MAGI2: variants seen among roughly 807,000 people sequenced by gnomAD.
MAGI2 encodes the protein membrane associated guanylate kinase, WW and PDZ domain containing 2, also known as membrane-associated guanylate kinase, WW and PDZ domain-containing protein 2.
Under a neutral mutation model 133.3 loss-of-function variants are expected in MAGI2, and 35 were observed. The observed-to-expected ratio is 0.26, with a 90% confidence interval of 0.20 to 0.35. The LOEUF (loss-of-function observed/expected upper bound fraction) is 0.35, where lower values mean the gene tolerates loss of function less well. Ranked by LOEUF, MAGI2 falls within the 10% of genes least tolerant of loss-of-function variation. The pLI, the probability that MAGI2 is intolerant of heterozygous loss-of-function variation, is 1.00. For synonymous variants in MAGI2, 729 were observed against 710.6 expected (o/e 1.03, Z -0.41); for missense variants, 1,636 against 1,863.4 (o/e 0.88, Z 2.25).
At chr7:78,123,945 A>T (rs1820715368) in intron 20 of MAGI2, among the ~76,000 whole-genome samples, 1 of 152,194 alleles carries the variant, frequency 6.6e-6, no homozygotes. Context: ...TCTGGCTTAA[A>T]TTCTGTAAGA....
At chr7:78,594,372 G>A (rs770981131) in intron 3 of MAGI2, among the ~76,000 whole-genome samples, 1 of 152,192 alleles carries the variant, frequency 6.6e-6, no homozygotes, top group African/African-American at 2.4e-5. Context: ...TTATACAAAG[G>A]CTGGAATGTA....
chr7:78,979,657 C>T (rs1486356172), intron 2 of MAGI2, among the ~76,000 whole-genome samples: 1 of 151,766 alleles, frequency 6.6e-6, no homozygotes, highest in Admixed American at 6.6e-5. Flanking sequence ...GTTCAATTCC[C>T]AGGTGGTCTT....
At chr7:78,817,551 G>C (rs1001204006) in intron 2 of MAGI2, among the ~76,000 whole-genome samples, 1 of 152,106 alleles carries the variant, frequency 6.6e-6, no homozygotes, top group African/African-American at 2.4e-5. Flanking sequence ...TGATCAGTTA[G>C]CAGCCATCCA....
chr7:78,700,795 A>G (rs531808578), intron 2 of MAGI2, among the ~76,000 whole-genome samples: 1 of 152,052 alleles, frequency 6.6e-6, no homozygotes, highest in South Asian at 2.1e-4. Flanking sequence ...TCTCATCGTG[A>G]CACTTTTCAA....
At chr7:79,440,258 C>T (rs1267970598) in intron 1 of MAGI2, among the ~76,000 whole-genome samples, 1 of 151,454 alleles carries the variant, frequency 6.6e-6, no homozygotes, top group Non-Finnish European at 1.5e-5. Context: ...TTTGATGAGT[C>T]AGTTTATAAT....
chr7:79,382,937 C>T (rs1015631340), intron 1 of MAGI2, among the ~76,000 whole-genome samples: 4 of 151,498 alleles, frequency 2.6e-5, no homozygotes, highest in African/African-American at 9.7e-5. Context: ...TTGTAGTTTG[C>T]TAACCATCTT....
chr7:79,320,711 T>A (rs192719987), intron 1 of MAGI2, among the ~76,000 whole-genome samples: 5 of 152,226 alleles, frequency 3.3e-5, no homozygotes, highest in Admixed American at 3.3e-4. Flanking sequence ...TATTGCTTTA[T>A]TTATTCTTTA....
At chr7:78,604,466 T>C (rs1204829486) in intron 3 of MAGI2, among the ~76,000 whole-genome samples, 1 of 152,194 alleles carries the variant, frequency 6.6e-6, no homozygotes, top group Non-Finnish European at 1.5e-5. Flanking sequence ...CTGAATCCCA[T>C]TATCTCCCGT....
At position 78,903,319 on chromosome 7, in the gene MAGI2, A is replaced by C. The variant is rs1797760182; in HGVS notation, c.418+103771T>G. 4.0e-5 allele frequency among the ~76,000 whole-genome samples: 6 copies of C among 150,082 alleles called. 1 individual carries two copies. The Admixed American group carries it at 4.0e-4, about 10-fold the overall frequency. ...CGCCATTCTCCTGCCTCAGCCTCCC[A>C]GGTAGCTGGGACTACAGGCGCCCGC... On this transcript the variant is annotated intron_variant, in intron 2 of 21. Transcript: ENST00000354212.
intron 1 of MAGI2, among the ~76,000 whole-genome samples, chr7:79,169,857 C>T (rs1303998246): frequency 6.6e-6 from 1 of 151,990 alleles, no homozygotes; most frequent in Non-Finnish European, 1.5e-5. Flanking sequence ...TAGCTTCTCT[C>T]TCTTTTTTTT....
intron 1 of MAGI2, among the ~76,000 whole-genome samples, chr7:79,041,890 A>G (rs1264833328): frequency 6.6e-6 from 1 of 152,196 alleles, no homozygotes; most frequent in African/African-American, 2.4e-5. Context: ...GGAAGTTAAC[A>G]TCATAAAACT....
At chr7:78,804,506 T>C (rs1788345992) in intron 2 of MAGI2, among the ~76,000 whole-genome samples, 1 of 150,880 alleles carries the variant, frequency 6.6e-6, no homozygotes, top group African/African-American at 2.4e-5. Context: ...CCCAGCACTT[T>C]GGGAGGCCGA....
chr7:78,806,017 T>C (rs528902225), intron 2 of MAGI2, among the ~76,000 whole-genome samples: 48 of 152,182 alleles, frequency 3.2e-4, no homozygotes, highest in Non-Finnish European at 6.3e-4. Flanking sequence ...AAAGGTTTAT[T>C]TTTGTTGTAA....
chr7:78,522,608 G>A (rs964053513), intron 3 of MAGI2, among the ~76,000 whole-genome samples: 5 of 152,128 alleles, frequency 3.3e-5, no homozygotes, highest in Non-Finnish European at 5.9e-5. Context: ...TCAAACTCCT[G>A]ACCTCAAATG....
chr7:79,217,715 C>T (rs1830128428), intron 1 of MAGI2, among the ~76,000 whole-genome samples: 1 of 151,974 alleles, frequency 6.6e-6, no homozygotes, highest in African/African-American at 2.4e-5. Flanking sequence ...AGCTATAATA[C>T]ATTGAGCAAA....
rs554823844 is a variant in MAGI2 at position 79,016,197 on chromosome 7, C to G, written c.302-8991G>C. ...TGGTGTGGGAGCATCTGGAGTGGAGCACTACTAGGGACACCCATCCCCCAG... is the reference window on the plus strand; with the variant it reads ...TGGTGTGGGAGCATCTGGAGTGGAGGACTACTAGGGACACCCATCCCCCAG... On this transcript the variant is annotated intron_variant, in intron 1 of 21. Transcript: ENST00000354212. Among the ~76,000 whole-genome samples, 142 of 152,168 alleles carry G rather than the reference C, an allele frequency of 9.3e-4. 3 individuals carry two copies. The South Asian group carries it at 0.028, about 30-fold the overall frequency.
At chr7:78,760,159 G>T (rs566071102) in intron 2 of MAGI2, among the ~76,000 whole-genome samples, 1 of 152,024 alleles carries the variant, frequency 6.6e-6, no homozygotes, top group African/African-American at 2.4e-5. Flanking sequence ...AAATAAAGGA[G>T]ATTGCTTTCA....
intron 2 of MAGI2, among the ~76,000 whole-genome samples, chr7:78,743,152 T>C (rs1002070746): frequency 6.6e-6 from 1 of 152,326 alleles, no homozygotes; most frequent in East Asian, 1.9e-4. Flanking sequence ...TTGAAGTGAT[T>C]TGTTATGCAG....
intron 4 of MAGI2, among the ~76,000 whole-genome samples, chr7:78,503,867 T>C (rs1366184163): frequency 6.6e-6 from 1 of 151,670 alleles, no homozygotes. Flanking sequence ...TCCACCATGA[T>C]TGTAAGTTTC....
Sources: gnomAD v4.1 joint callset for allele counts (sites outside exome capture counted in the v4.1 genomes callset) on GRCh38, gnomAD v4.1.1 for gene constraint, MANE v1.5 for transcripts, NCBI Gene and HGNC (gene_info 2026-07-23, HGNC 2026-07-21) for gene names.